Variants in PRKG1 observed in about 807,000 individuals in gnomAD.
The protein encoded by PRKG1 is protein kinase cGMP-dependent 1.
PRKG1 carries 35 observed loss-of-function variants against 88.1 expected under a neutral mutation model. The observed-to-expected ratio is 0.40, with a 90% CI of 0.30 to 0.53. PRKG1 has a LOEUF of 0.53. Among genes scored for constraint, PRKG1 ranks in the 20% least tolerant of loss-of-function variants. The probability of loss-of-function intolerance (pLI) is 0.59; values close to 1 mark genes in which losing one functional copy is unlikely to be tolerated. For missense variants in PRKG1, 540 were observed against 839.8 expected (o/e 0.64, Z 4.41); for synonymous variants, 303 against 292.5 (o/e 1.04, Z -0.37).
intron 1 of PRKG1, among the ~76,000 whole-genome samples, chr10:51,145,449 G>A (rs1211533478): frequency 1.3e-5 from 2 of 152,096 alleles, no homozygotes; most frequent in South Asian, 2.1e-4. Flanking sequence ...CTTAAATTAT[G>A]TAATGAAATG....
At chr10:51,008,889 G>A (rs1469550746) in intron 1 of PRKG1, among the ~76,000 whole-genome samples, 1 of 152,106 alleles carries the variant, frequency 6.6e-6, no homozygotes, top group Non-Finnish European at 1.5e-5. Flanking sequence ...ATTTCCATCT[G>A]CCCTCCCTCC....
chr10:51,517,603 A>AT (rs1368738671), intron 3 of PRKG1, among the ~76,000 whole-genome samples: 1 of 152,254 alleles, frequency 6.6e-6, no homozygotes, highest in Non-Finnish European at 1.5e-5. Context: ...CTTCGTGAAC[A>AT]TGCAAATCAG....
At chr10:52,210,272 C>A (rs554699649) in intron 9 of PRKG1, among the ~76,000 whole-genome samples, 2 of 151,854 alleles carry the variant, frequency 1.3e-5, no homozygotes, top group African/African-American at 4.8e-5. Context: ...CCTCTCCTTG[C>A]CTGCCTTATG....
intron 3 of PRKG1, among the ~76,000 whole-genome samples, chr10:51,514,729 T>C (rs567724338): frequency 8.3e-4 from 127 of 152,340 alleles, no homozygotes; most frequent in African/African-American, 2.9e-3. Context: ...GAATCTGGAC[T>C]GTTTCAGGAA....
chr10:51,782,380 T>A (rs1236754348), intron 3 of PRKG1, among the ~76,000 whole-genome samples: 3 of 152,152 alleles, frequency 2.0e-5, no homozygotes, highest in Admixed American at 2.0e-4. Flanking sequence ...CCTTTCTTTG[T>A]GTATACAGGT....
intron 2 of PRKG1, among the ~76,000 whole-genome samples, chr10:51,187,578 C>T (rs569023256): frequency 6.6e-6 from 1 of 152,006 alleles, no homozygotes; most frequent in Middle Eastern, 3.4e-3. Context: ...AAGTGAATAG[C>T]TTGGGCAAAC....
chr10:51,617,778 A>T (rs1839099146), intron 3 of PRKG1, among the ~76,000 whole-genome samples: 1 of 152,126 alleles, frequency 6.6e-6, no homozygotes, highest in South Asian at 2.1e-4. Flanking sequence ...ATTACACATG[A>T]CTATATTTTG....
At chr10:52,277,066 C>T (rs1304863524) in intron 12 of PRKG1, among the ~76,000 whole-genome samples, 2 of 152,174 alleles carry the variant, frequency 1.3e-5, no homozygotes, top group African/African-American at 2.4e-5. Context: ...AAACCCTCCA[C>T]ATTCCAAAAT....
At chr10:51,507,268 T>C (rs1841245964) in intron 3 of PRKG1, among the ~76,000 whole-genome samples, 1 of 151,746 alleles carries the variant, frequency 6.6e-6, no homozygotes, top group Non-Finnish European at 1.5e-5. Context: ...AACCTGCACT[T>C]TGTGCACATG....
rs901912343 is a variant in PRKG1, at chr10:51,374,208, G to A, written c.479-93515G>A. ...CCCATCAACCTGTCATCTATGTTAC[G>A]TATTTCTCCTAATGCAGTCCCTCCC... On this transcript the variant is annotated intron_variant, in intron 2 of 17. Coordinates refer to ENST00000373980, the MANE Select transcript of PRKG1 (RefSeq NM_006258.4). 6.0e-5 allele frequency among the ~76,000 whole-genome samples: 9 copies of A among 150,844 alleles called. No individual in the cohort carries two copies. The East Asian group carries it at 9.8e-4, about 16-fold the overall frequency.
chr10:51,144,807 C>A (rs533066742), intron 1 of PRKG1, among the ~76,000 whole-genome samples: 2 of 151,862 alleles, frequency 1.3e-5, no homozygotes, highest in Non-Finnish European at 2.9e-5. Context: ...TGTAATGAAG[C>A]GAAATTTGGC....
intron 2 of PRKG1, among the ~76,000 whole-genome samples, chr10:51,269,907 A>G (rs1022813356): frequency 1.3e-5 from 2 of 152,204 alleles, no homozygotes; most frequent in Non-Finnish European, 2.9e-5. Flanking sequence ...ATAAATGAAT[A>G]ATTTATTGTT....
chr10:51,401,690 C>T (rs939094066), intron 2 of PRKG1, among the ~76,000 whole-genome samples: 3 of 151,990 alleles, frequency 2.0e-5, no homozygotes, highest in Admixed American at 6.6e-5. Context: ...CATAATGAAC[C>T]CCTCAGAATC....
chr10:51,577,088 A>C (rs1353207487), intron 3 of PRKG1, among the ~76,000 whole-genome samples: 1 of 152,016 alleles, frequency 6.6e-6, no homozygotes, highest in East Asian at 1.9e-4. Flanking sequence ...GAGATGGATT[A>C]AAATGTTATA....
At chr10:51,573,336 A>C (rs1360029989) in intron 3 of PRKG1, among the ~76,000 whole-genome samples, 3 of 151,770 alleles carry the variant, frequency 2.0e-5, no homozygotes, top group Non-Finnish European at 4.4e-5. Flanking sequence ...GAGTATGGGA[A>C]AAATAAGAAT....
intron 2 of PRKG1, among the ~76,000 whole-genome samples, chr10:51,388,183 T>G (rs1426853418): frequency 6.6e-6 from 1 of 152,172 alleles, no homozygotes; most frequent in Non-Finnish European, 1.5e-5. Flanking sequence ...TTGGGACACT[T>G]TCTTTTCATT....
rs1289365203 is a variant in PRKG1, at chr10:51,653,413, G to A, written c.593-151172G>A. 3.9e-5 allele frequency among the ~76,000 whole-genome samples: 6 copies of A among 152,232 alleles called. No individual in the cohort carries two copies. The South Asian group carries it at 1.0e-3, about 26-fold the overall frequency. On this transcript the variant is annotated intron_variant, in intron 3 of 17. Transcript: ENST00000373980. ...TGATAGTAGACATTTTAAAAGGTGGGAGGTAATATCACATTGAGGTTTTGA... is the reference window on the plus strand; with the variant it reads ...TGATAGTAGACATTTTAAAAGGTGGAAGGTAATATCACATTGAGGTTTTGA...
At chr10:52,036,623 G>GA (rs1845618358) in intron 5 of PRKG1, among the ~76,000 whole-genome samples, 1 of 151,918 alleles carries the variant, frequency 6.6e-6, no homozygotes, top group Non-Finnish European at 1.5e-5. Context: ...AAGGTGGGGG[G>GA]ATACAAGAGG....
rs76704929 is a variant in PRKG1 at position 52,130,297 on chromosome 10, T to A, written c.936-3543T>A. ...GTTAACTATGTCACTCTTCTGATCT[T>A]TGATATTTTCCCCAATCTACATTTA... On this transcript the variant is annotated intron_variant, in intron 7 of 17. Coordinates refer to ENST00000373980, the MANE Select transcript of PRKG1 (RefSeq NM_006258.4). Among the ~76,000 whole-genome samples the A allele has an allele frequency of 4.6e-5, 7 of 152,226 alleles. No homozygotes were observed. The East Asian group carries it at 1.3e-3, about 29-fold the overall frequency.
Sources: gnomAD v4.1 joint callset for allele counts (sites outside exome capture counted in the v4.1 genomes callset) on GRCh38, gnomAD v4.1.1 for gene constraint, MANE v1.5 for transcripts, NCBI Gene and HGNC (gene_info 2026-07-23, HGNC 2026-07-21) for gene names.